Variants in PTK2B observed in about 807,000 individuals in gnomAD.
The protein encoded by PTK2B is protein-tyrosine kinase 2-beta.
Under a neutral mutation model 142.9 loss-of-function variants are expected in PTK2B, and 71 were observed. The observed-to-expected ratio is 0.50, with a 90% CI of 0.41 to 0.61. The LOEUF (loss-of-function observed/expected upper bound fraction) is 0.61. Ranked by LOEUF, PTK2B falls within the 20% of genes least tolerant of loss-of-function variation. The pLI is 0.00. For synonymous variants in PTK2B, 519 were observed against 503.4 expected (o/e 1.03, Z -0.42); for missense variants, 1,105 against 1,320.4 (o/e 0.84, Z 2.53).
intron 27 of PTK2B, 165 bp downstream of exon 27, chr8:27,451,674 C>T (rs1210324339): frequency 1.4e-5 from 21 of 1,477,726 alleles, no homozygotes; most frequent in East Asian, 2.5e-5. Flanking sequence ...GCTTCCCCTC[C>T]GCTCCCTCCA....
In PTK2B at chr8:27,432,304, C is replaced by G. The variant is rs1586310367; in HGVS notation, c.930C>G (p.Cys310Trp). Residue 310 changes from cysteine (C) to tryptophan (W), a missense_variant, in exon 10 of 31, where the codon TGC becomes TGG. Coordinates refer to ENST00000346049, the MANE Select transcript of PTK2B (RefSeq NM_173176.3). ...TCAAGCAGATCAGGTCCATCAGGTG[C>G]CTCCCGCTGGAGGAGGGCCAGGCAG... ...AEFKQIRSIR[C>W]LPLEEGQAVL... The G allele has an allele frequency of 6.2e-7, 1 of 1,614,128 alleles. No individual in the cohort carries two copies. The highest frequency in any genetic ancestry group is 8.5e-7 in the Non-Finnish European group (1 of 1,180,028).
intron 1 of PTK2B, among the ~76,000 whole-genome samples, chr8:27,396,884 C>A (rs910215523): frequency 6.6e-6 from 1 of 152,230 alleles, no homozygotes; most frequent in African/African-American, 2.4e-5. Context: ...CCCTGCGGGG[C>A]TGCTGGGCAG....
intron 9 of PTK2B, 80 bp from the exon 10 acceptor site, chr8:27,432,180 C>A: frequency 1.6e-6 from 2 of 1,261,094 alleles, no homozygotes; most frequent in East Asian, 2.5e-5. Context: ...CTCCTCACCC[C>A]GGCTCCCCCA....
chr8:27,434,407 G>A (rs1168120904), intron 12 of PTK2B, 106 bp from the exon 13 acceptor site: 35 of 1,308,300 alleles, frequency 2.7e-5, no homozygotes, highest in Middle Eastern at 4.7e-4. Context: ...AATTTGGACA[G>A]ACTACTTCTC....
At chr8:27,343,691 A>G (rs1171178753) in intron 1 of PTK2B, among the ~76,000 whole-genome samples, 2 of 152,026 alleles carry the variant, frequency 1.3e-5, no homozygotes, top group Admixed American at 6.6e-5. Flanking sequence ...CTGCCTTCTG[A>G]CCTTTCTCCT....
intron 23 of PTK2B, among the ~76,000 whole-genome samples, chr8:27,444,592 G>T (rs1811349905): frequency 6.6e-6 from 1 of 152,126 alleles, no homozygotes; most frequent in Non-Finnish European, 1.5e-5. Context: ...GAATCCCAGG[G>T]AATATTTCCC....
intron 1 of PTK2B, among the ~76,000 whole-genome samples, chr8:27,381,672 T>C (rs1807031535): frequency 6.6e-6 from 1 of 152,210 alleles, no homozygotes; most frequent in African/African-American, 2.4e-5. Flanking sequence ...TCCCTAGTAG[T>C]GGGATTGCTA....
At chr8:27,378,327 A>AG (rs1401283375) in intron 1 of PTK2B, among the ~76,000 whole-genome samples, 2 of 152,190 alleles carry the variant, frequency 1.3e-5, no homozygotes, top group African/African-American at 2.4e-5. Context: ...TGAGGGATTC[A>AG]GGGGGGTTCT....
chr8:27,334,493 A>G (rs1013859943), intron 1 of PTK2B, among the ~76,000 whole-genome samples: 1 of 152,174 alleles, frequency 6.6e-6, no homozygotes, highest in Admixed American at 6.5e-5. Context: ...CTTTTGGAGG[A>G]CATCTGAGCT....
At chr8:27,424,931 A>T (rs766128050) in intron 5 of PTK2B, among the ~76,000 whole-genome samples, 5 of 152,138 alleles carry the variant, frequency 3.3e-5, no homozygotes, top group Non-Finnish European at 7.4e-5. Flanking sequence ...TGCCTGAGAT[A>T]TGAGATTAGT....
At chr8:27,453,302 G>A in intron 28 of PTK2B, 142 bp downstream of exon 28, 1 of 1,119,560 alleles carries the variant, frequency 8.9e-7, no homozygotes, top group South Asian at 1.5e-5. Flanking sequence ...GGGGTTAGGG[G>A]GCGGGTGGCG....
In PTK2B at chr8:27,437,379, G is replaced by T. The variant is rs1190187868; in HGVS notation, c.1427-17G>T. Reference sequence around the variant, plus strand: ...TTGAGCCGCTCCACCTGTCCCTCTTGCCCCACCACACTGCAGTGATCATGA... The same window carrying T: ...TTGAGCCGCTCCACCTGTCCCTCTTTCCCCACCACACTGCAGTGATCATGA... On this transcript the variant is annotated splice_polypyrimidine_tract_variant and intron_variant, in intron 16 of 30. Coordinates refer to ENST00000346049, the MANE Select transcript of PTK2B (RefSeq NM_173176.3). 1.2e-6 allele frequency: 2 copies of T among 1,603,320 alleles called. No individual in the cohort carries two copies. Among genetic ancestry groups the T allele is most frequent in the Non-Finnish European group, 1.7e-6 (2 of 1,173,830 alleles).
rs147860423 is a variant in PTK2B, at chr8:27,427,118, C to T, written c.552-2975C>T. 2.0e-4 allele frequency among the ~76,000 whole-genome samples: 30 copies of T among 152,262 alleles called. 1 individual carries two copies. Among genetic ancestry groups the T allele is most frequent in the South Asian group, 8.3e-4 (4 of 4,812 alleles). On this transcript the variant is annotated intron_variant, in intron 5 of 30. Coordinates refer to ENST00000346049, the MANE Select transcript of PTK2B (RefSeq NM_173176.3). ...TGCTTGGCACAGTCTTCTCATTTCC[C>T]TTTTCAGCGTAGTAAACTCTTCTAT...
chr8:27,400,448 A>T (rs780935169), intron 2 of PTK2B, among the ~76,000 whole-genome samples: 641 of 41,252 alleles, frequency 0.016, 6 homozygotes, highest in Non-Finnish European at 0.017. Flanking sequence ...GGATTGAATT[A>T]AAAAAAAAAA....
intron 1 of PTK2B, among the ~76,000 whole-genome samples, chr8:27,395,817 T>TG (rs1176795747): frequency 1.3e-5 from 2 of 152,204 alleles, no homozygotes; most frequent in African/African-American, 4.8e-5. Context: ...ATTTCTCTGA[T>TG]GTTTCCTGGG....
At chr8:27,365,879 C>T (rs893746230) in intron 1 of PTK2B, among the ~76,000 whole-genome samples, 1 of 152,162 alleles carries the variant, frequency 6.6e-6, no homozygotes, top group African/African-American at 2.4e-5. Context: ...TAAAACTGCT[C>T]CTCAGTTATG....
At chr8:27,343,614 T>C (rs552546298) in intron 1 of PTK2B, among the ~76,000 whole-genome samples, 5 of 152,224 alleles carry the variant, frequency 3.3e-5, no homozygotes, top group Non-Finnish European at 5.9e-5. Context: ...CTCAGCCCAA[T>C]GCCACAGAGG....
intron 22 of PTK2B, among the ~76,000 whole-genome samples, chr8:27,443,335 C>T (rs577830626): frequency 2.0e-4 from 31 of 152,198 alleles, no homozygotes; most frequent in East Asian, 5.8e-4. Flanking sequence ...ATCTATACCC[C>T]GCATGGCCAC....
chr8:27,451,582 C>T (rs1463566659), intron 27 of PTK2B, 73 bp downstream of exon 27: 1 of 1,611,168 alleles, frequency 6.2e-7, no homozygotes, highest in African/African-American at 1.3e-5. Context: ...TTGCCCACCG[C>T]CCAGGGCAGG....
Sources: gnomAD v4.1 joint callset for allele counts (sites outside exome capture counted in the v4.1 genomes callset) on GRCh38, gnomAD v4.1.1 for gene constraint, MANE v1.5 for transcripts, NCBI Gene and HGNC (gene_info 2026-07-23, HGNC 2026-07-21) for gene names.